Variants in DHX8 observed in about 807,000 individuals in gnomAD.
The protein encoded by DHX8 is DEAH-box helicase 8, also known as ATP-dependent RNA helicase DHX8.
In DHX8, 67 loss-of-function variants were observed where a neutral mutation model predicts 140.7. That is an observed-to-expected ratio of 0.48 (90% CI 0.39 to 0.58). DHX8 has a LOEUF of 0.58. DHX8 is among the 20% of genes least tolerant of loss of function. The pLI is 0.00. For missense variants in DHX8, 887 were observed against 1,550.7 expected (o/e 0.57, Z 7.19); for synonymous variants, 533 against 553.2 (o/e 0.96, Z 0.51).
chr17:43,504,748 G>T lies in DHX8; in HGVS notation c.1651G>T (p.Gly551Ter), dbSNP rs1438604900. ...CTTTGGGGGCAACAAAGCCTCTTAC[G>T]GAAAAAAGACCCAGATGTCAATCCT... ...HAFGGNKASYGKKTQMSILEQ... is the reference protein window; with the variant it reads ...HAFGGNKASY The change falls in exon 12 of 23, where the codon GGA becomes TGA. Residue 551 changes from glycine to a stop codon, truncating the protein, a stop_gained. Coordinates refer to ENST00000262415, the MANE Select transcript of DHX8 (RefSeq NM_004941.3). LOFTEE classifies it high-confidence loss of function. The T allele has an allele frequency of 6.2e-7, 1 of 1,614,018 alleles. No homozygotes were observed. Among genetic ancestry groups the T allele is most frequent in the Admixed American group, 1.7e-5 (1 of 59,990 alleles).
downstream of DHX8, chr17:43,526,395 C>A (rs182137333): frequency 8.4e-5 from 127 of 1,516,600 alleles, no homozygotes; most frequent in East Asian, 1.0e-3. Context: ...AGGACCGTCC[C>A]TATGGGGCAT....
intron 22 of DHX8, 74 bp from the exon 23 acceptor site, chr17:43,523,554 C>A: frequency 6.3e-7 from 1 of 1,587,662 alleles, no homozygotes. Context: ...CAGCTGAGGC[C>A]TACTAGGGAC....
intron 12 of DHX8, 62 bp from the exon 13 acceptor site, chr17:43,506,941 T>G: frequency 1.5e-6 from 2 of 1,300,146 alleles, no homozygotes; most frequent in Non-Finnish European, 2.1e-6. Context: ...ATATTCTGTT[T>G]AATGACCATA....
Position 43,505,270 on chromosome 17 carries a change from G to A in DHX8, c.1728+445G>A, listed in dbSNP as rs764558395. Among the ~76,000 whole-genome samples the A allele has an allele frequency of 1.1e-4, 16 of 152,200 alleles. 2 individuals are homozygous for A. The South Asian group carries it at 1.9e-3, about 18-fold the overall frequency. ...TAAAAATACAAAAAATTAGCTGGGC[G>A]TGGTGGCGCATGCCTATAATCCCAG... On this transcript the variant is annotated intron_variant, in intron 12 of 22. Transcript: ENST00000262415.
intron 2 of DHX8, chr17:43,533,885 G>T (rs1044858288): frequency 6.2e-7 from 1 of 1,603,462 alleles, no homozygotes; most frequent in Non-Finnish European, 8.5e-7. Context: ...GCTCGCCATG[G>T]TGGTAGGGGA....
intron 3 of DHX8, among the ~76,000 whole-genome samples, chr17:43,542,241 G>A (rs1471784471): frequency 2.0e-5 from 3 of 152,084 alleles, no homozygotes; most frequent in Non-Finnish European, 2.9e-5. Flanking sequence ...ACACCTTTAT[G>A]TATGGTGCAC....
chr17:43,530,946 C>G (rs1299556923), downstream of DHX8, among the ~76,000 whole-genome samples: 6 of 152,050 alleles, frequency 3.9e-5, no homozygotes, highest in Admixed American at 2.0e-4. Context: ...TGACTCCATT[C>G]AGGAGTAGCT....
intron 22 of DHX8, 107 bp from the exon 23 acceptor site, chr17:43,523,521 G>T (rs1383529400): frequency 6.6e-7 from 1 of 1,525,030 alleles, no homozygotes; most frequent in African/African-American, 1.4e-5. Context: ...AGGCAGGAGA[G>T]GTAATAGTAT....
chr17:43,500,282 C>T (rs999663839), intron 11 of DHX8, among the ~76,000 whole-genome samples, 179 bp downstream of exon 11: 1 of 151,912 alleles, frequency 6.6e-6, no homozygotes, highest in African/African-American at 2.4e-5. Flanking sequence ...GTCAGGAGTT[C>T]GAGACCGACC....
At chr17:43,518,327 G>A (rs970948631) in intron 18 of DHX8, 5 of 152,108 alleles carry the variant, frequency 3.3e-5, no homozygotes, top group Admixed American at 2.6e-4. Context: ...CACTTGAATC[G>A]TGCATCATTC....
At chr17:43,529,681 G>A (rs371948375), downstream of DHX8, 384 of 1,604,882 alleles carry the variant, frequency 2.4e-4, no homozygotes, top group Non-Finnish European at 3.2e-4. Flanking sequence ...TGTCTCCTGG[G>A]GAACACGAAA....
intron 6 of DHX8, 76 bp from the exon 7 acceptor site, chr17:43,493,369 G>T (rs1968651925): frequency 1.3e-6 from 2 of 1,559,788 alleles, no homozygotes. Flanking sequence ...TCTTTTGTTA[G>T]TTCCAGTAAG....
chr17:43,544,744 G>A (rs1971712978), downstream of DHX8: 4 of 492,082 alleles, frequency 8.1e-6, no homozygotes, highest in Admixed American at 1.3e-4. Flanking sequence ...TCATCCTCAA[G>A]CCTAGTTACA....
At chr17:43,538,942 C>T (rs958586290) in intron 3 of DHX8, among the ~76,000 whole-genome samples, 3 of 152,124 alleles carry the variant, frequency 2.0e-5, no homozygotes, top group African/African-American at 7.2e-5. Flanking sequence ...CTCCACACCC[C>T]CGGCCTATAC....
chr17:43,521,708 T>C, intron 21 of DHX8, 143 bp downstream of exon 21: 1 of 796,506 alleles, frequency 1.3e-6, no homozygotes, highest in South Asian at 1.9e-5. Context: ...CTTTTCCATC[T>C]TTGTTATATT....
At chr17:43,515,501 A>G (rs1364625859) in intron 17 of DHX8, among the ~76,000 whole-genome samples, 1 of 152,180 alleles carries the variant, frequency 6.6e-6, no homozygotes, top group Non-Finnish European at 1.5e-5. Flanking sequence ...AATAGCTAAC[A>G]CTTACAGTGT....
intron 1 of DHX8, among the ~76,000 whole-genome samples, chr17:43,484,816 A>T (rs1221053845): frequency 6.6e-6 from 1 of 151,894 alleles, no homozygotes; most frequent in African/African-American, 2.4e-5. Context: ...TCATTTTTAA[A>T]TTTTTTGTAG....
At chr17:43,529,150 T>A, downstream of DHX8, 2 of 1,613,970 alleles carry the variant, frequency 1.2e-6, no homozygotes, top group Non-Finnish European at 1.7e-6. Flanking sequence ...GCATGATGCC[T>A]TTCTCATAAT....
chr17:43,504,897 T>A lies in DHX8; in HGVS notation c.1728+72T>A, dbSNP rs555729181. 3 of 1,391,024 alleles carry A rather than the reference T, an allele frequency of 2.2e-6. No individual in the cohort carries two copies. The East Asian group carries it at 7.0e-5, about 32-fold the overall frequency. 86.2% of individuals were successfully genotyped at this position (1,391,024 alleles called of 1,614,324 possible). On this transcript the variant is annotated intron_variant, in intron 12 of 22. Transcript: ENST00000262415. ...TAAAAGAGGGGTGATATTTTTAAAC[T>A]GAAACTAACGGGACAAGTATGTGCC...
Sources: gnomAD v4.1 joint callset for allele counts (sites outside exome capture counted in the v4.1 genomes callset) on GRCh38, gnomAD v4.1.1 for gene constraint, MANE v1.5 for transcripts, NCBI Gene and HGNC (gene_info 2026-07-23, HGNC 2026-07-21) for gene names.